DNAH11: variants seen among roughly 807,000 people sequenced by gnomAD.
The protein encoded by DNAH11 is dynein axonemal heavy chain 11, also known as axonemal beta dynein heavy chain 11.
Under a neutral mutation model 526.0 loss-of-function variants are expected in DNAH11, and 442 were observed. That is an observed-to-expected ratio of 0.84 (90% CI 0.78 to 0.91). The LOEUF (loss-of-function observed/expected upper bound fraction) is 0.91. Ranked by LOEUF, DNAH11 falls within the 40% of genes least tolerant of loss-of-function variation. DNAH11 has a pLI of 0.00. For synonymous variants in DNAH11, 2,461 were observed against 1,935.9 expected, an observed-to-expected ratio of 1.27 and a Z score of -7.12; for missense variants, 6,989 against 5,448.7, an observed-to-expected ratio of 1.28 and a Z score of -8.90.
At chr7:21,877,960 C>A (rs1417635063) in intron 74 of DNAH11, among the ~76,000 whole-genome samples, 1 of 147,928 alleles carries the variant, frequency 6.8e-6, no homozygotes, top group Non-Finnish European at 1.5e-5. Context: ...ACCCAGATAA[C>A]TATATTTTTT....
chr7:21,738,881 G>A lies in DNAH11; in HGVS notation c.7811+15G>A, dbSNP rs764357990. 2 of 1,564,768 alleles carry A rather than the reference G, an allele frequency of 1.3e-6. No homozygotes were observed. The highest frequency in any genetic ancestry group is 2.0e-5 in the Admixed American group (1 of 50,712). On this transcript the variant is annotated intron_variant, in intron 47 of 81. Transcript: ENST00000409508. ...TATGGACATTGGTAAGCAAGTCTCT[G>A]TAGTTTACTCTCTCCCAAAATCTAA...
chr7:21,699,520 A>G (rs931155625), intron 36 of DNAH11, among the ~76,000 whole-genome samples: 1 of 152,170 alleles, frequency 6.6e-6, no homozygotes, highest in South Asian at 2.1e-4. Flanking sequence ...CCTTACTGCC[A>G]CGTATTTATT....
At chr7:21,863,989 A>G (rs1259211160) in intron 69 of DNAH11, among the ~76,000 whole-genome samples, 1 of 152,186 alleles carries the variant, frequency 6.6e-6, no homozygotes, top group East Asian at 1.9e-4. Flanking sequence ...GTTTTTTATC[A>G]GTTCTGTGAC....
chr7:21,696,373 ATAGT>A (rs1385812111), intron 35 of DNAH11, among the ~76,000 whole-genome samples: 2 of 152,156 alleles, frequency 1.3e-5, no homozygotes, highest in Non-Finnish European at 2.9e-5. Flanking sequence ...ATTTTCCCTA[ATAGT>A]TAATCAATTG....
chr7:21,697,047 G>T (rs1170852459), intron 35 of DNAH11, among the ~76,000 whole-genome samples: 1 of 152,112 alleles, frequency 6.6e-6, no homozygotes, highest in Non-Finnish European at 1.5e-5. Context: ...GAATAACCTA[G>T]ATCCAAAGAT....
chr7:21,626,136 A>G (rs962079658), intron 25 of DNAH11, among the ~76,000 whole-genome samples: 3 of 152,156 alleles, frequency 2.0e-5, no homozygotes, highest in Admixed American at 2.0e-4. Context: ...TAGCCACCCT[A>G]CTGATCTATC....
intron 71 of DNAH11, 122 bp from the exon 72 acceptor site, chr7:21,867,737 C>T: frequency 1.2e-6 from 1 of 802,054 alleles, no homozygotes. Context: ...TCTAACAAGA[C>T]ATCCCATGTA....
chr7:21,846,881 A>G (rs537909743), intron 66 of DNAH11, among the ~76,000 whole-genome samples: 1 of 152,246 alleles, frequency 6.6e-6, no homozygotes, highest in South Asian at 2.1e-4. Flanking sequence ...AATTTATTTA[A>G]TGCATATAGG....
intron 25 of DNAH11, among the ~76,000 whole-genome samples, chr7:21,620,318 G>T (rs1014382833): frequency 4.6e-4 from 70 of 151,998 alleles, no homozygotes; most frequent in African/African-American, 1.6e-3. Context: ...CTGTGCAATA[G>T]ATCACTAAAG....
At chr7:21,727,198 G>A (rs1022271139) in intron 45 of DNAH11, among the ~76,000 whole-genome samples, 2 of 151,870 alleles carry the variant, frequency 1.3e-5, no homozygotes, top group African/African-American at 4.8e-5. Flanking sequence ...CTCCCAGAGT[G>A]CTGGGATTAC....
intron 80 of DNAH11, among the ~76,000 whole-genome samples, chr7:21,899,694 T>G (rs1386420027): frequency 6.6e-6 from 1 of 152,154 alleles, no homozygotes; most frequent in Non-Finnish European, 1.5e-5. Flanking sequence ...GTGCTCTTAT[T>G]AAACATTTTC....
At chr7:21,575,860 G>C (rs898972847) in intron 8 of DNAH11, among the ~76,000 whole-genome samples, 1 of 152,188 alleles carries the variant, frequency 6.6e-6, no homozygotes, top group Non-Finnish European at 1.5e-5. Flanking sequence ...CAGTCATTCT[G>C]TGTCACTACA....
At chr7:21,588,256 C>A in intron 10 of DNAH11, 55 bp downstream of exon 10, 2 of 1,554,702 alleles carry the variant, frequency 1.3e-6, no homozygotes, top group Non-Finnish European at 1.7e-6. Flanking sequence ...CGGATAATGA[C>A]CATCAACTAG....
intron 14 of DNAH11, among the ~76,000 whole-genome samples, chr7:21,594,063 T>TACGC (rs1554317060): frequency 1.5e-5 from 2 of 137,522 alleles, no homozygotes; most frequent in African/African-American, 5.3e-5. Flanking sequence ...CATACACACA[T>TACGC]ACACACACAC....
At chr7:21,606,196 G>A (rs1230471396) in intron 18 of DNAH11, among the ~76,000 whole-genome samples, 1 of 152,114 alleles carries the variant, frequency 6.6e-6, no homozygotes, top group African/African-American at 2.4e-5. Context: ...GGTGGTACAT[G>A]CCTGTAGTTC....
In DNAH11 at chr7:21,862,713, C is replaced by T. The variant is rs551066991; in HGVS notation, c.11373+690C>T. ...AAGAGAGCTCCAGGTTTCTTACCCACACCTTCAGTGAAACCTGCTTCCTTT... is the reference window on the plus strand; with the variant it reads ...AAGAGAGCTCCAGGTTTCTTACCCATACCTTCAGTGAAACCTGCTTCCTTT... On this transcript the variant is annotated intron_variant, in intron 69 of 81. Coordinates refer to ENST00000409508, the MANE Select transcript of DNAH11 (RefSeq NM_001277115.2). 3.9e-5 allele frequency among the ~76,000 whole-genome samples: 6 copies of T among 152,314 alleles called. 1 individual carries two copies. In the East Asian group the frequency reaches 5.8e-4, roughly 15 times the overall value.
At chr7:21,718,383 T>C (rs2128483171) in intron 43 of DNAH11, among the ~76,000 whole-genome samples, 1 of 152,324 alleles carries the variant, frequency 6.6e-6, no homozygotes, top group South Asian at 2.1e-4. Flanking sequence ...ATAAAACAAA[T>C]TTGTGCAATT....
chr7:21,780,269 G>A (rs965750597), intron 57 of DNAH11, among the ~76,000 whole-genome samples: 1 of 151,988 alleles, frequency 6.6e-6, no homozygotes, highest in Non-Finnish European at 1.5e-5. Flanking sequence ...TATATTATTG[G>A]GCTGAGTACA....
chr7:21,580,156 GGT>G (rs1001621917), intron 8 of DNAH11, among the ~76,000 whole-genome samples: 3 of 151,978 alleles, frequency 2.0e-5, no homozygotes, highest in African/African-American at 7.2e-5. Context: ...AAGGGAGGGA[GGT>G]GACAGATATC....
Sources: gnomAD v4.1 joint callset for allele counts (sites outside exome capture counted in the v4.1 genomes callset) on GRCh38, gnomAD v4.1.1 for gene constraint, MANE v1.5 for transcripts, NCBI Gene and HGNC (gene_info 2026-07-23, HGNC 2026-07-21) for gene names.